Variants in C7 observed in about 807,000 individuals in gnomAD.
C7 encodes complement C7.
A neutral mutation model predicts 104.8 loss-of-function variants in C7; 83 were observed. The ratio of observed to expected loss-of-function variants is 0.79; its 90% confidence interval spans 0.66 to 0.95. C7 has a LOEUF of 0.95. Ranked by LOEUF, C7 falls within the 40% of genes least tolerant of loss-of-function variation. The pLI is 0.00. For missense variants in C7, 1,070 were observed against 1,011.2 expected, an observed-to-expected ratio of 1.06 and a Z score of -0.79; for synonymous variants, 415 against 360.6, an observed-to-expected ratio of 1.15 and a Z score of -1.71.
chr5:40,953,639 CAAAAAAAAAA>C (rs397961480), intron 9 of C7, among the ~76,000 whole-genome samples: 2 of 104,140 alleles, frequency 1.9e-5, no homozygotes, highest in Non-Finnish European at 1.8e-5. Context: ...GACTCTGTCT[CAAAAAAAAAA>C]AAAAAAAAGG....
At chr5:40,968,568 TTATATATATATATATATA>T (rs1240185830) in intron 14 of C7, among the ~76,000 whole-genome samples, 3 of 63,726 alleles carry the variant, frequency 4.7e-5, no homozygotes, top group East Asian at 5.1e-4. Flanking sequence ...TATATATATT[TTATATATATATATATATA>T]TATATATATA....
chr5:40,911,973 C>A (rs546482420), intron 1 of C7, among the ~76,000 whole-genome samples: 20 of 150,828 alleles, frequency 1.3e-4, no homozygotes, highest in Non-Finnish European at 2.5e-4. Context: ...TGGTCTTGAA[C>A]TCCTGACCTC....
At chr5:40,966,241 A>G (rs1013640553) in intron 14 of C7, among the ~76,000 whole-genome samples, 2 of 152,038 alleles carry the variant, frequency 1.3e-5, no homozygotes, top group African/African-American at 4.8e-5. Context: ...CCCAGTTTGT[A>G]GTCTTTTATC....
intron 9 of C7, 116 bp from the exon 10 acceptor site, chr5:40,955,271 C>A: frequency 3.2e-6 from 3 of 948,948 alleles, no homozygotes; most frequent in Non-Finnish European, 4.8e-6. Flanking sequence ...TTTCTGACCA[C>A]AATTTATCTT....
rs1453389754 is a variant in C7 at position 40,982,831 on chromosome 5, G to A, written c.*1258G>A. 6.6e-6 allele frequency: 1 copy of A among 152,292 alleles called. No individual in the cohort carries two copies. The highest frequency in any genetic ancestry group is 2.4e-5 in the African/African-American group (1 of 41,450). 9.4% of individuals were successfully genotyped at this position (152,292 alleles called of 1,614,324 possible). ...AGGGCTTAAATGAAATTTAAAATAAGCTATATTATACAAATACTATCTCTG... is the reference window on the plus strand; with the variant it reads ...AGGGCTTAAATGAAATTTAAAATAAACTATATTATACAAATACTATCTCTG... On this transcript the variant is annotated 3_prime_UTR_variant, in exon 18 of 18. Transcript: ENST00000313164.
intron 9 of C7, among the ~76,000 whole-genome samples, chr5:40,953,948 C>T (rs566298159): frequency 2.8e-4 from 12 of 42,486 alleles, no homozygotes; most frequent in Non-Finnish European, 9.1e-4. Flanking sequence ...GTACAATATG[C>T]TTATTTTATG....
At chr5:40,976,413 C>A (rs1740820916) in intron 15 of C7, among the ~76,000 whole-genome samples, 1 of 152,132 alleles carries the variant, frequency 6.6e-6, no homozygotes. Flanking sequence ...GAAGTAGCAC[C>A]AACTTCCTAA....
At position 40,983,971 on chromosome 5, in the gene C7, G is replaced by A. The variant is rs543900952; in HGVS notation, c.*2398G>A. 1.3e-5 allele frequency among the ~76,000 whole-genome samples: 2 copies of A among 152,120 alleles called. No homozygotes were observed. The highest frequency in any genetic ancestry group is 3.9e-4 in the East Asian group (2 of 5,164). On this transcript the variant is annotated 3_prime_UTR_variant, in exon 18 of 18. Coordinates refer to ENST00000313164, the MANE Select transcript of C7 (RefSeq NM_000587.4). ...GGAACAGACAAAGAGAAGGAAATTG[G>A]CTGGTGCATTAATCATCACTAGCTT...
rs756607429 is a variant in C7, at chr5:40,909,617, G to T, written c.6+1G>T. The T allele has an allele frequency of 6.5e-7, 1 of 1,550,246 alleles. No homozygotes were observed. The highest frequency in any genetic ancestry group is 1.4e-5 in the African/African-American group (1 of 73,770). ...CCTGAATGTTTTCCCAAACATGAAG[G>T]TAAGACAATAAATTCATTACTTTTG... On this transcript the variant is annotated splice_donor_variant, in intron 1 of 17. Transcript: ENST00000313164. LOFTEE classifies it high-confidence loss of function.
chr5:40,938,139 GCC>G, intron 6 of C7, among the ~76,000 whole-genome samples: 1 of 152,148 alleles, frequency 6.6e-6, no homozygotes, highest in East Asian at 1.9e-4. Context: ...GCCCTTATAT[GCC>G]CACCATCTGC....
chr5:40,955,072 A>C (rs1740259298), intron 9 of C7, among the ~76,000 whole-genome samples: 1 of 152,158 alleles, frequency 6.6e-6, no homozygotes, highest in Non-Finnish European at 1.5e-5. Context: ...CATTTGTTAC[A>C]ATGGATGAAC....
At chr5:40,952,643 C>G (rs988415882) in intron 9 of C7, among the ~76,000 whole-genome samples, 2 of 152,070 alleles carry the variant, frequency 1.3e-5, no homozygotes, top group South Asian at 2.1e-4. Flanking sequence ...ATCCCTCCCC[C>G]CTCTCCCCAC....
At chr5:40,940,820 A>G (rs1277486563) in intron 6 of C7, among the ~76,000 whole-genome samples, 1 of 152,190 alleles carries the variant, frequency 6.6e-6, no homozygotes, top group Non-Finnish European at 1.5e-5. Flanking sequence ...ACAGAGGCAA[A>G]AAAGCTAAAT....
intron 1 of C7, among the ~76,000 whole-genome samples, chr5:40,913,092 T>C (rs571818255): frequency 6.6e-6 from 1 of 152,356 alleles, no homozygotes; most frequent in East Asian, 1.9e-4. Context: ...CTTAATATAA[T>C]GGCCTCTAGT....
At chr5:40,928,558 C>CT (rs1643861209) in intron 1 of C7, 22 bp from the exon 2 acceptor site, 1 of 1,357,056 alleles carries the variant, frequency 7.4e-7, no homozygotes, top group South Asian at 1.4e-5. Flanking sequence ...TAAAATAATA[C>CT]TTTATTGTTT....
At chr5:40,965,643 TATATA>T (rs1247992430) in intron 14 of C7, among the ~76,000 whole-genome samples, 41 of 78,996 alleles carry the variant, frequency 5.2e-4, no homozygotes, top group Non-Finnish European at 8.4e-4. Flanking sequence ...TATATATATA[TATATA>T]TTTTTTTTTT....
intron 7 of C7, among the ~76,000 whole-genome samples, chr5:40,946,009 C>T (rs373806216): frequency 2.7e-4 from 40 of 150,176 alleles, no homozygotes; most frequent in African/African-American, 6.8e-4. Context: ...CTATTTTAAA[C>T]GATCTTAAAT....
rs771022726 is a variant in C7, at chr5:40,964,752, A to G, written c.1761A>G (p.Thr587=). ...LKDGFVQDEG[T]MFPVGKNVVY... Reference sequence around the variant, plus strand: ...TTACTTTTGTTTAGGATGAAGGTACAATGTTTCCTGTGGGGAAAAATGTAG... The same window carrying G: ...TTACTTTTGTTTAGGATGAAGGTACGATGTTTCCTGTGGGGAAAAATGTAG... Residue 587 remains threonine (T), a synonymous_variant, in exon 14 of 18, where the codon ACA becomes ACG. Coordinates refer to ENST00000313164, the MANE Select transcript of C7 (RefSeq NM_000587.4). The G allele has an allele frequency of 1.1e-5, 17 of 1,613,026 alleles. 1 individual carries two copies. The South Asian group carries it at 1.2e-4, about 11-fold the overall frequency.
chr5:40,955,605 G>A (rs1740274323), intron 10 of C7, 52 bp downstream of exon 10: 2 of 1,541,096 alleles, frequency 1.3e-6, no homozygotes, highest in South Asian at 1.2e-5. Context: ...TTATTTGCAT[G>A]AGGAAAACGA....
Sources: gnomAD v4.1 joint callset for allele counts (sites outside exome capture counted in the v4.1 genomes callset) on GRCh38, gnomAD v4.1.1 for gene constraint, MANE v1.5 for transcripts, NCBI Gene and HGNC (gene_info 2026-07-23, HGNC 2026-07-21) for gene names.